The following KPNA3 variants were observed in gnomAD, a reference collection of about 807,000 sequenced individuals.
The protein encoded by KPNA3 is karyopherin subunit alpha 3.
Under a neutral mutation model 73.8 loss-of-function variants are expected in KPNA3, and 13 were observed. The observed-to-expected ratio is 0.18, with a 90% CI of 0.11 to 0.28. The LOEUF (loss-of-function observed/expected upper bound fraction) is 0.28, where lower values mean the gene tolerates loss of function less well. Among genes scored for constraint, KPNA3 ranks in the 10% least tolerant of loss-of-function variants. KPNA3 has a pLI of 1.00. For missense variants in KPNA3, 360 were observed against 618.1 expected, an observed-to-expected ratio of 0.58 and a Z score of 4.43; for synonymous variants, 186 against 206.9, an observed-to-expected ratio of 0.90 and a Z score of 0.87.
chr13:49,769,147 A>G (rs922730052), intron 1 of KPNA3, among the ~76,000 whole-genome samples: 2 of 150,850 alleles, frequency 1.3e-5, no homozygotes, highest in African/African-American at 5.0e-5. Context: ...ATAGGAAGGT[A>G]ACTCTACAGT....
rs1594425558 is a variant in KPNA3 at position 49,701,668 on chromosome 13, C to G, written c.*132G>C. On this transcript the variant is annotated 3_prime_UTR_variant, in exon 17 of 17. Coordinates refer to ENST00000261667, the MANE Select transcript of KPNA3 (RefSeq NM_002267.4). Reference sequence around the variant, plus strand: ...CAACTGCAAAGTGACTGAGACATGGCTTGCTTTAGAAGCATCAAAACAAAG... The same window carrying G: ...CAACTGCAAAGTGACTGAGACATGGGTTGCTTTAGAAGCATCAAAACAAAG... The G allele has an allele frequency of 1.2e-5, 9 of 774,248 alleles. No individual in the cohort carries two copies. In the East Asian group the frequency reaches 2.2e-4, roughly 19 times the overall value. The allele number at this position is 774,248 out of a possible 1,614,324, so 48.0% of individuals were successfully genotyped here. A position where few individuals can be genotyped will look rare whatever the true frequency, so the allele number is the denominator to read the frequency against.
chr13:49,768,327 A>G (rs1281252335), intron 1 of KPNA3, among the ~76,000 whole-genome samples: 1 of 151,264 alleles, frequency 6.6e-6, no homozygotes, highest in African/African-American at 2.4e-5. Flanking sequence ...TATGCACTGT[A>G]GCCAAAATGC....
At chr13:49,773,250 T>A (rs1314401101) in intron 1 of KPNA3, among the ~76,000 whole-genome samples, 1 of 152,172 alleles carries the variant, frequency 6.6e-6, no homozygotes, top group Non-Finnish European at 1.5e-5. Context: ...GGAGGAACTT[T>A]TGGGAAGACA....
At chr13:49,755,352 G>C (rs1954701468) in intron 1 of KPNA3, among the ~76,000 whole-genome samples, 1 of 151,500 alleles carries the variant, frequency 6.6e-6, no homozygotes, top group Non-Finnish European at 1.5e-5. Flanking sequence ...TAACATTCTA[G>C]TGGTGAAAAG....
At chr13:49,715,057 T>C (rs529277526) in intron 10 of KPNA3, among the ~76,000 whole-genome samples, 1 of 152,060 alleles carries the variant, frequency 6.6e-6, no homozygotes, top group Admixed American at 6.5e-5. Flanking sequence ...CTACAGACAC[T>C]GAAAAATTCA....
intron 6 of KPNA3, among the ~76,000 whole-genome samples, chr13:49,730,752 A>G (rs1954459063): frequency 7.6e-6 from 1 of 132,148 alleles, no homozygotes; most frequent in Non-Finnish European, 1.6e-5. Context: ...TATATCTCCT[A>G]ATGCTATCCC....
intron 1 of KPNA3, among the ~76,000 whole-genome samples, chr13:49,753,909 A>G (rs1160462623): frequency 6.6e-6 from 1 of 152,210 alleles, no homozygotes; most frequent in Non-Finnish European, 1.5e-5. Context: ...GTTGGGGACC[A>G]CTGTTATAAG....
intron 1 of KPNA3, among the ~76,000 whole-genome samples, chr13:49,789,763 T>C (rs1955017577): frequency 6.6e-6 from 1 of 152,120 alleles, no homozygotes. Context: ...AGTCTCTCTC[T>C]CTCCTACATT....
At chr13:49,749,203 G>C (rs1442408398) in intron 1 of KPNA3, among the ~76,000 whole-genome samples, 2 of 152,152 alleles carry the variant, frequency 1.3e-5, no homozygotes. Context: ...GTTAAATTCT[G>C]AAGAACCACA....
Position 49,724,441 on chromosome 13 carries a change from C to T in KPNA3, c.469+975G>A, listed in dbSNP as rs559896300. The stretch of plus-strand genomic sequence containing the variant: ...GCCTCAGCCTCCCAAGCAGCTGGGA[C>T]TACAGGCGCCCGCCACCATGCCCGG... On this transcript the variant is annotated intron_variant, in intron 7 of 16. Coordinates refer to ENST00000261667, the MANE Select transcript of KPNA3 (RefSeq NM_002267.4). Among the ~76,000 whole-genome samples the T allele has an allele frequency of 9.2e-5, 14 of 152,088 alleles. No individual in the cohort carries two copies. The South Asian group carries it at 2.9e-3, about 32-fold the overall frequency.
chr13:49,792,521 C>CCGGCGGCGGCTTCTCCTGCGGCTG lies in KPNA3; in HGVS notation c.-16_-15insCAGCCGCAGGAGAAGCCGCCGCCG. On this transcript the variant is annotated 5_prime_UTR_variant, in exon 1 of 17. Coordinates refer to ENST00000261667, the MANE Select transcript of KPNA3 (RefSeq NM_002267.4). Reference sequence around the variant, plus strand: ...TTCTCGGCCATGGCTGCGCGCGGCTCCGGCGGCGGCTACTCCTGCGGCTGC... The same window carrying CCGGCGGCGGCTTCTCCTGCGGCTG: ...TTCTCGGCCATGGCTGCGCGCGGCTCCGGCGGCGGCTTCTCCTGCGGCTGCGGCGGCGGCTACTCCTGCGGCTGC... 1 of 1,534,352 alleles carries CCGGCGGCGGCTTCTCCTGCGGCTG rather than the reference C, an allele frequency of 6.5e-7. No individual in the cohort carries two copies. Among genetic ancestry groups the CCGGCGGCGGCTTCTCCTGCGGCTG allele is most frequent in the Non-Finnish European group, 8.8e-7 (1 of 1,137,588 alleles).
chr13:49,792,514 CGCGGCTCCGGCG>C lies in KPNA3; in HGVS notation c.-20_-9del, dbSNP rs769739942. ...GCTGGGGTTCTCGGCCATGGCTGCG[CGCGGCTCCGGCG>C]GCGGCTACTCCTGCGGCTGCGGCGG... is the stretch of plus-strand genomic sequence containing the variant. On this transcript the variant is annotated 5_prime_UTR_variant, in exon 1 of 17. Transcript: ENST00000261667. 3.9e-6 allele frequency: 6 copies of C among 1,524,546 alleles called. No individual in the cohort carries two copies. Among genetic ancestry groups the C allele is most frequent in the Non-Finnish European group, 1.8e-6 (2 of 1,128,912 alleles). The allele number at this position is 1,524,546 out of a possible 1,614,324, so 94.4% of individuals were successfully genotyped here. A position where few individuals can be genotyped will look rare whatever the true frequency, so the allele number is the denominator to read the frequency against.
intron 1 of KPNA3, among the ~76,000 whole-genome samples, chr13:49,751,784 T>A (rs1024864443): frequency 2.0e-5 from 3 of 152,150 alleles, no homozygotes; most frequent in Non-Finnish European, 4.4e-5. Flanking sequence ...GGCGTGCACC[T>A]GTGGTCCCAG....
At chr13:49,711,849 T>C (rs57118905) in intron 10 of KPNA3, among the ~76,000 whole-genome samples, 11,321 of 152,188 alleles carry the variant, frequency 0.074, 1,242 homozygotes, top group East Asian at 0.58. Context: ...CAAAAAAGGA[T>C]ATAGATGAAT....
chr13:49,702,660 A>G (rs1445415929), intron 15 of KPNA3, among the ~76,000 whole-genome samples, 180 bp from the exon 16 acceptor site: 3 of 152,206 alleles, frequency 2.0e-5, no homozygotes, highest in African/African-American at 7.2e-5. Context: ...TTGGAGGACC[A>G]GAATCCCACT....
intron 1 of KPNA3, among the ~76,000 whole-genome samples, chr13:49,780,150 G>A (rs1002104999): frequency 6.6e-5 from 10 of 151,934 alleles, no homozygotes; most frequent in African/African-American, 2.4e-4. Flanking sequence ...CACTGGATAC[G>A]CTAGCCTAGA....
intron 10 of KPNA3, among the ~76,000 whole-genome samples, chr13:49,714,281 G>GA (rs1192522395): frequency 1.3e-5 from 2 of 151,266 alleles, no homozygotes; most frequent in Admixed American, 6.6e-5. Context: ...CTGGTTCTCT[G>GA]AAAAAAACAA....
intron 1 of KPNA3, among the ~76,000 whole-genome samples, chr13:49,782,368 T>C (rs995021112): frequency 5.3e-5 from 8 of 152,216 alleles, no homozygotes; most frequent in African/African-American, 1.9e-4. Context: ...TATGACCTTC[T>C]GTGTAACCTT....
intron 1 of KPNA3, among the ~76,000 whole-genome samples, chr13:49,785,607 A>C (rs1465614789): frequency 1.3e-5 from 2 of 152,180 alleles, no homozygotes; most frequent in Non-Finnish European, 2.9e-5. Context: ...TGAGCAAGAA[A>C]AACAGTCTAC....
Sources: gnomAD v4.1 joint callset for allele counts (sites outside exome capture counted in the v4.1 genomes callset) on GRCh38, gnomAD v4.1.1 for gene constraint, MANE v1.5 for transcripts, NCBI Gene and HGNC (gene_info 2026-07-23, HGNC 2026-07-21) for gene names.